Variants in PALS2 observed in about 807,000 individuals in gnomAD.
The protein encoded by PALS2 is protein PALS2.
Under a neutral mutation model 61.6 loss-of-function variants are expected in PALS2, and 27 were observed. That is an observed-to-expected ratio of 0.44 (90% CI 0.32 to 0.60). The LOEUF (loss-of-function observed/expected upper bound fraction) is 0.60, where lower values mean the gene tolerates loss of function less well. Among genes scored for constraint, PALS2 ranks in the 20% least tolerant of loss-of-function variants. PALS2 has a pLI of 0.05. For missense variants in PALS2, 554 were observed against 639.4 expected, an observed-to-expected ratio of 0.87 and a Z score of 1.44; for synonymous variants, 236 against 218.6, an observed-to-expected ratio of 1.08 and a Z score of -0.70.
chr7:24,583,301 G>A (rs1358569727), intron 1 of PALS2, among the ~76,000 whole-genome samples: 1 of 151,994 alleles, frequency 6.6e-6, no homozygotes, highest in Non-Finnish European at 1.5e-5. Flanking sequence ...TTAAAAGGTT[G>A]GACTATCTTG....
chr7:24,596,837 A>G lies in PALS2; in HGVS notation c.-3+23244A>G, dbSNP rs372028295. On this transcript the variant is annotated intron_variant, in intron 1 of 11. Transcript: ENST00000222644. This position sits in a 1 kb window ranked among gnomAD's most constrained non-coding sequence, Gnocchi z 4.5. ...GAGATTGGGGATTAGTATACCAGTT[A>G]AGAGGCTTTTAAAGTAGTCTAGGCA... Among the ~76,000 whole-genome samples the G allele has an allele frequency of 3.0e-4, 45 of 152,286 alleles. No homozygotes were observed. In the South Asian group the frequency reaches 9.1e-3, roughly 31 times the overall value.
chr7:24,675,996 A>C (rs1168942570), intron 9 of PALS2, among the ~76,000 whole-genome samples: 1 of 149,940 alleles, frequency 6.7e-6, no homozygotes, highest in African/African-American at 2.5e-5. Context: ...GAACTAGTTT[A>C]CAGTCCCACC....
chr7:24,632,823 TCA>T (rs1306555257), intron 2 of PALS2, among the ~76,000 whole-genome samples: 1 of 152,180 alleles, frequency 6.6e-6, no homozygotes, highest in Non-Finnish European at 1.5e-5. Context: ...CTTGTGTCTC[TCA>T]CTCATTTTGT....
intron 2 of PALS2, among the ~76,000 whole-genome samples, chr7:24,640,832 C>A (rs1410079923): frequency 1.3e-5 from 2 of 151,742 alleles, no homozygotes; most frequent in Non-Finnish European, 2.9e-5. Context: ...CATGGTGAAA[C>A]CCTGTCTCTA....
intron 1 of PALS2, among the ~76,000 whole-genome samples, chr7:24,604,219 G>GAAAAAAAAAAAAAAAAAAA (rs58169190): frequency 2.3e-5 from 2 of 86,104 alleles, no homozygotes; most frequent in African/African-American, 3.4e-5. Flanking sequence ...TTCAAGAAAA[G>GAAAAAAAAAAAAAAAAAAA]AAAAAAAAAA....
chr7:24,677,278 C>T (rs945853649), intron 9 of PALS2, among the ~76,000 whole-genome samples: 10 of 152,214 alleles, frequency 6.6e-5, no homozygotes, highest in African/African-American at 2.4e-4. Context: ...TGGGCTGAGA[C>T]AATGGGGTTT....
chr7:24,615,305 A>G (rs1007178678), intron 1 of PALS2, among the ~76,000 whole-genome samples: 3 of 151,996 alleles, frequency 2.0e-5, no homozygotes, highest in African/African-American at 7.2e-5. Flanking sequence ...GAAAGTAAAG[A>G]CTAAAATAAT....
chr7:24,683,776 T>G (rs929057640), intron 11 of PALS2, among the ~76,000 whole-genome samples: 1 of 152,212 alleles, frequency 6.6e-6, no homozygotes, highest in Admixed American at 6.5e-5. Context: ...GCTTTTCTGT[T>G]TGTATATTTG....
intron 1 of PALS2, among the ~76,000 whole-genome samples, chr7:24,599,750 C>G (rs1387796148): frequency 1.3e-5 from 2 of 152,026 alleles, no homozygotes; most frequent in African/African-American, 4.8e-5. Flanking sequence ...AGTGGTCCAC[C>G]TGCCTCAGCC....
intron 5 of PALS2, among the ~76,000 whole-genome samples, chr7:24,660,866 C>A (rs941795950): frequency 6.6e-5 from 10 of 152,112 alleles, no homozygotes; most frequent in Non-Finnish European, 1.5e-4. Flanking sequence ...ACCCACAGTT[C>A]TTTTGTAGAA....
At chr7:24,580,354 C>T (rs1479023141) in intron 1 of PALS2, among the ~76,000 whole-genome samples, 1 of 152,078 alleles carries the variant, frequency 6.6e-6, no homozygotes, top group Non-Finnish European at 1.5e-5. Flanking sequence ...CCCCAGGAGC[C>T]ACCATTTGAG....
At position 24,579,831 on chromosome 7, in the gene PALS2, C is replaced by G. The variant is rs114060205; in HGVS notation, c.-3+6238C>G. 3.1e-3 allele frequency among the ~76,000 whole-genome samples: 479 copies of G among 152,216 alleles called. 1 individual carries two copies. The highest frequency in any genetic ancestry group is 0.01 in the African/African-American group (426 of 41,534). The stretch of plus-strand genomic sequence containing the variant: ...ATATTTATTAGAATAGGCAATAGAG[C>G]AATTTTTTATAAATCTTGGTTTATT... On this transcript the variant is annotated intron_variant, in intron 1 of 11. Transcript: ENST00000222644.
intron 9 of PALS2, among the ~76,000 whole-genome samples, chr7:24,675,147 A>G (rs995561634): frequency 6.6e-6 from 1 of 152,168 alleles, no homozygotes; most frequent in Non-Finnish European, 1.5e-5. Flanking sequence ...AAACTAAAGA[A>G]CATTTCTCTA....
intron 1 of PALS2, chr7:24,574,259 A>G (rs1302395542): frequency 1.3e-5 from 2 of 152,144 alleles, no homozygotes; most frequent in Non-Finnish European, 2.9e-5. Context: ...CGCTGCTGAG[A>G]TCGTGCTCGC....
At chr7:24,681,316 G>T (rs936816591) in intron 11 of PALS2, among the ~76,000 whole-genome samples, 1 of 151,932 alleles carries the variant, frequency 6.6e-6, no homozygotes, top group Non-Finnish European at 1.5e-5. Flanking sequence ...AATAATCGTG[G>T]CAATTTCTTG....
At chr7:24,683,416 C>A (rs142738703) in intron 11 of PALS2, among the ~76,000 whole-genome samples, 1 of 151,956 alleles carries the variant, frequency 6.6e-6, no homozygotes, top group Non-Finnish European at 1.5e-5. Flanking sequence ...CACGTATGTT[C>A]AAACTTATCT....
At chr7:24,595,157 G>T (rs1036021720) in intron 1 of PALS2, among the ~76,000 whole-genome samples, 1 of 151,786 alleles carries the variant, frequency 6.6e-6, no homozygotes, top group Non-Finnish European at 1.5e-5. Flanking sequence ...AATATGCCAA[G>T]ATTTAAATCA....
At chr7:24,669,494 G>A (rs933499275) in intron 9 of PALS2, among the ~76,000 whole-genome samples, 5 of 152,170 alleles carry the variant, frequency 3.3e-5, no homozygotes, top group African/African-American at 1.2e-4. Context: ...GAAAGCAGGA[G>A]ATAAGCTAAC....
intron 10 of PALS2, 67 bp downstream of exon 10, chr7:24,679,400 G>A (rs890900624): frequency 8.5e-6 from 13 of 1,527,328 alleles, no homozygotes; most frequent in African/African-American, 6.9e-5. Flanking sequence ...CATGTGTGTC[G>A]GGGTTGTTGG....
Sources: gnomAD v4.1 joint callset for allele counts (sites outside exome capture counted in the v4.1 genomes callset) on GRCh38, gnomAD v4.1.1 for gene constraint, Gnocchi (gnomAD v3.1) non-coding constraint, MANE v1.5 for transcripts, NCBI Gene and HGNC (gene_info 2026-07-23, HGNC 2026-07-21) for gene names.